CTBP1: variants seen among roughly 807,000 people sequenced by gnomAD.
The protein encoded by CTBP1 is C-terminal-binding protein 1.
In CTBP1, 11 loss-of-function variants were observed where a neutral mutation model predicts 42.1. That is an observed-to-expected ratio of 0.26 (90% CI 0.16 to 0.43). CTBP1 has a LOEUF of 0.43. CTBP1 is among the 20% of genes least tolerant of loss of function. The pLI, the probability that CTBP1 is intolerant of heterozygous loss-of-function variation, is 1.00. For synonymous variants in CTBP1, 324 were observed against 277.1 expected, an observed-to-expected ratio of 1.17 and a Z score of -1.68; for missense variants, 399 against 624.3, an observed-to-expected ratio of 0.64 and a Z score of 3.85.
intron 3 of CTBP1, chr4:1,237,480 G>C: frequency 1.5e-6 from 1 of 684,188 alleles, no homozygotes. Flanking sequence ...TTCACCTCCT[G>C]ATGGTGTGCA....
At chr4:1,216,439 G>A (rs1031300458) in intron 5 of CTBP1, 2 of 594,802 alleles carry the variant, frequency 3.4e-6, no homozygotes, top group African/African-American at 3.7e-5. Flanking sequence ...GGGTACACTA[G>A]CCCCTCGGCC....
chr4:1,244,592 A>C (rs1577081243), intron 1 of CTBP1: 1 of 984,410 alleles, frequency 1.0e-6, no homozygotes, highest in African/African-American at 1.8e-5. Flanking sequence ...CTCCTCACCA[A>C]CCCCATCTTC....
intron 2 of CTBP1, among the ~76,000 whole-genome samples, chr4:1,239,842 C>T (rs924627064): frequency 7.9e-5 from 12 of 152,198 alleles, no homozygotes; most frequent in Admixed American, 6.5e-4. Context: ...CGGTCAAAAC[C>T]GCGTCCTGGT....
intron 1 of CTBP1, chr4:1,244,718 A>C: frequency 2.0e-6 from 2 of 985,124 alleles, no homozygotes; most frequent in South Asian, 9.4e-5. Flanking sequence ...CTGTCCCCAT[A>C]AGCCCTGATT....
Position 1,215,078 on chromosome 4 carries a change from G to C in CTBP1, c.730-605C>G, listed in dbSNP as rs140735918. ...AGCCACGGTGCTTGGCTGACAGCTGGGCAGGTCACGGTGGCTTTTCTTTGG... is the reference window on the plus strand; with the variant it reads ...AGCCACGGTGCTTGGCTGACAGCTGCGCAGGTCACGGTGGCTTTTCTTTGG... On this transcript the variant is annotated intron_variant, in intron 6 of 9. Coordinates refer to ENST00000382952, the MANE Select transcript of CTBP1 (RefSeq NM_001012614.2). 7.2e-5 allele frequency among the ~76,000 whole-genome samples: 11 copies of C among 152,316 alleles called. No homozygotes were observed. In the East Asian group the frequency reaches 2.1e-3, roughly 29 times the overall value.
chr4:1,237,643 TGTCCACCTCCTGATGGGGCTC>T, intron 3 of CTBP1: 5 of 623,664 alleles, frequency 8.0e-6, no homozygotes, highest in Non-Finnish European at 1.5e-5. Flanking sequence ...ACAAACCCCG[TGTCCACCTCCTGATGGGGCTC>T]AGGACAAACC....
chr4:1,239,113 T>C (rs1192804149), intron 2 of CTBP1, among the ~76,000 whole-genome samples: 1 of 152,260 alleles, frequency 6.6e-6, no homozygotes, highest in East Asian at 1.9e-4. Context: ...GCCCCTGACC[T>C]TCCCAGAACC....
chr4:1,216,097 C>G lies in CTBP1; in HGVS notation c.623G>C (p.Arg208Pro), dbSNP rs745938565. The G allele has an allele frequency of 6.2e-7, 1 of 1,611,460 alleles. No individual in the cohort carries two copies. Among genetic ancestry groups the G allele is most frequent in the Non-Finnish European group, 8.5e-7 (1 of 1,179,906 alleles). The change falls in exon 6 of 10, where the codon CGT becomes CCT. Residue 208 changes from arginine (R) to proline (P), a missense_variant. By Grantham distance (103) the Arg-to-Pro change is moderately radical. Transcript: ENST00000382952. ...GAGCAGGTCCTGCAGGGTGCTGACA[C>G]GCTGCAGCCCCAGCGCCCGCTCCAC... is the stretch of plus-strand genomic sequence containing the variant. ...DGVERALGLQ[R>P]VSTLQDLLFH... is the part of the protein sequence containing the mutation.
chr4:1,224,059 G>A (rs941748812), intron 5 of CTBP1, among the ~76,000 whole-genome samples: 2 of 140,654 alleles, frequency 1.4e-5, no homozygotes, highest in Admixed American at 7.0e-5. Context: ...ACGGCTGCCC[G>A]AACCCCGGCC....
At chr4:1,232,484 A>G (rs1045108188) in intron 3 of CTBP1, among the ~76,000 whole-genome samples, 3 of 151,484 alleles carry the variant, frequency 2.0e-5, no homozygotes, top group Non-Finnish European at 4.4e-5. Context: ...GCTAATTTCT[A>G]TATTTTTAGT....
intron 1 of CTBP1, chr4:1,242,774 C>A (rs1564509): frequency 6.1e-6 from 6 of 985,110 alleles, no homozygotes; most frequent in South Asian, 9.4e-5. Context: ...GCCAGATCTC[C>A]CCATGGTACC....
intron 5 of CTBP1, chr4:1,221,599 C>A: frequency 4.5e-6 from 1 of 224,548 alleles, no homozygotes; most frequent in Non-Finnish European, 9.3e-6. Flanking sequence ...AGGTGAGACC[C>A]AGAGGCATCA....
chr4:1,245,118 A>C, intron 1 of CTBP1: 1 of 985,344 alleles, frequency 1.0e-6, no homozygotes, highest in African/African-American at 1.7e-5. Flanking sequence ...ACAGCACCCC[A>C]GACAGACACT....
chr4:1,249,101 G>A lies in CTBP1; in HGVS notation c.-374C>T, dbSNP rs1029335753. The A allele has an allele frequency of 1.5e-4, 31 of 213,752 alleles. No homozygotes were observed. The highest frequency in any genetic ancestry group is 2.2e-4 in the Non-Finnish European group (28 of 128,316). The allele number at this position is 213,752 out of a possible 1,614,324, so 13.2% of individuals were successfully genotyped here. On this transcript the variant is annotated 5_prime_UTR_variant, in exon 1 of 10. Coordinates refer to ENST00000382952, the MANE Select transcript of CTBP1 (RefSeq NM_001012614.2). ...CGCCGTGCCGAGTCTCCGCCGCGCC[G>A]CTGAGCCGCGCTCCGACGACCGCGC...
rs1371264312 is a variant in CTBP1, at chr4:1,225,468, G to T, written c.406C>A (p.His136Asn). 6.5e-7 allele frequency: 1 copy of T among 1,542,776 alleles called. No homozygotes were observed. Among genetic ancestry groups the T allele is most frequent in the Admixed American group, 2.0e-5 (1 of 50,960 alleles). ...LNLYRRATWL[H>N]QALREGTRVQ... ...CGTGTGCCCTCCCGCAGCGCCTGGT[G>T]CAGCCAGGTGGCCCGCCGGTACAGG... Residue 136 changes from histidine to asparagine, a missense_variant, in exon 5 of 10, where the codon CAC becomes AAC. His to Asn is a moderately conservative substitution (Grantham distance 68). Transcript: ENST00000382952.
At chr4:1,229,156 C>T (rs963867013) in intron 3 of CTBP1, among the ~76,000 whole-genome samples, 6 of 152,198 alleles carry the variant, frequency 3.9e-5, no homozygotes, top group Non-Finnish European at 7.4e-5. Flanking sequence ...TCCCAGTTAC[C>T]CCCAGCCCAG....
At position 1,220,302 on chromosome 4, in the gene CTBP1, A is replaced by G. The variant is rs1228540493; in HGVS notation, c.515-4097T>C. Among the ~76,000 whole-genome samples, 3 of 152,036 alleles carry G rather than the reference A, an allele frequency of 2.0e-5. No individual in the cohort carries two copies. The East Asian group carries it at 5.8e-4, about 29-fold the overall frequency. Reference sequence around the variant, plus strand: ...CAAGACTGTCTCCAAAAAAAAAAAAAGAAAAAAAGAATTAAACATTTATAA... The same window carrying G: ...CAAGACTGTCTCCAAAAAAAAAAAAGGAAAAAAAGAATTAAACATTTATAA... On this transcript the variant is annotated intron_variant, in intron 5 of 9. Coordinates refer to ENST00000382952, the MANE Select transcript of CTBP1 (RefSeq NM_001012614.2).
rs763017501 is a variant in CTBP1 at position 1,248,969 on chromosome 4, C to T, written c.-242G>A. 465 of 995,952 alleles carry T rather than the reference C, an allele frequency of 4.7e-4. 2 individuals carry two copies. The African/African-American group carries it at 7.8e-3, about 17-fold the overall frequency. 61.7% of individuals were successfully genotyped at this position (995,952 alleles called of 1,614,324 possible). A position where few individuals can be genotyped will look rare whatever the true frequency, so the allele number is the denominator to read the frequency against. On this transcript the variant is annotated 5_prime_UTR_variant, in exon 1 of 10. Transcript: ENST00000382952. ...CGAGCTGCCCATCGAGAGGCGCGAG[C>T]GGCCGCGGGCCCCGACCACTCCGGC...
intron 2 of CTBP1, among the ~76,000 whole-genome samples, chr4:1,239,001 C>T (rs1036600211): frequency 2.0e-5 from 3 of 152,174 alleles, no homozygotes; most frequent in Non-Finnish European, 2.9e-5. Flanking sequence ...ACGTAGGACG[C>T]CCCCAACCCT....
Sources: allele counts gnomAD v4.1 joint callset (sites outside exome capture counted in the v4.1 genomes callset), GRCh38; gene constraint gnomAD v4.1.1; transcripts MANE v1.5; gene names NCBI Gene and HGNC (gene_info 2026-07-23, HGNC 2026-07-21).